RGS1: variants seen among roughly 807,000 people sequenced by gnomAD.
RGS1 encodes B-cell activation protein BL34.
In RGS1, 11 loss-of-function variants were observed where a neutral mutation model predicts 22.2. The ratio of observed to expected loss-of-function variants is 0.50; its 90% CI spans 0.31 to 0.82. The LOEUF (loss-of-function observed/expected upper bound fraction) is 0.82, where lower values mean the gene tolerates loss of function less well. Ranked by LOEUF, RGS1 falls within the 40% of genes least tolerant of loss-of-function variation. The probability of loss-of-function intolerance (pLI) is 0.04; values close to 1 mark genes in which losing one functional copy is unlikely to be tolerated. For synonymous variants in RGS1, 81 were observed against 79.9 expected (o/e 1.01, Z -0.07); for missense variants, 255 against 245.8 (o/e 1.04, Z -0.25).
chr1:192,578,689 G>C, intron 4 of RGS1: 1 of 462,152 alleles, frequency 2.2e-6, no homozygotes, highest in East Asian at 3.3e-5. Flanking sequence ...GAGTGCTCTT[G>C]TTTTGGATAA....
intron 4 of RGS1, chr1:192,578,928 A>G (rs1028095239): frequency 3.7e-6 from 2 of 535,528 alleles, no homozygotes; most frequent in African/African-American, 3.9e-5. Flanking sequence ...CTATACTATG[A>G]GGAAATTTGG....
At position 192,576,271 on chromosome 1, in the gene RGS1, T is replaced by A. The variant is rs775591372; in HGVS notation, c.138-14T>A. The A allele has an allele frequency of 6.4e-6, 10 of 1,557,478 alleles. No individual in the cohort carries two copies. The Admixed American group carries it at 1.7e-4, about 27-fold the overall frequency. ...CTGAAGAAATATGAATATTCACTTT[T>A]ATGTCTTTTGTAGTGGAATGGATAT... On this transcript the variant is annotated splice_polypyrimidine_tract_variant and intron_variant, in intron 1 of 4. Transcript: ENST00000367459.
intron 4 of RGS1, chr1:192,578,837 C>T (rs1662110593): frequency 2.7e-6 from 1 of 373,888 alleles, no homozygotes; most frequent in East Asian, 4.5e-5. Context: ...ATCTTAAATG[C>T]CTACATCACT....
At position 192,579,126 on chromosome 1, in the gene RGS1, T is replaced by A. The variant is rs746297297; in HGVS notation, c.445-11T>A. 2 of 1,599,848 alleles carry A rather than the reference T, an allele frequency of 1.3e-6. No individual in the cohort carries two copies. The highest frequency in any genetic ancestry group is 3.6e-5 in the Admixed American group (2 of 56,116). ...AAAGTATATATTAGCTAACAAGGTT[T>A]TCTTTTTTAGATCAATATTGACTTC... On this transcript the variant is annotated splice_polypyrimidine_tract_variant and intron_variant, in intron 4 of 4. Coordinates refer to ENST00000367459, the MANE Select transcript of RGS1 (RefSeq NM_002922.4).
At chr1:192,576,559 T>C (rs1662064191) in intron 2 of RGS1, 194 bp downstream of exon 2, 2 of 635,730 alleles carry the variant, frequency 3.1e-6, no homozygotes, top group East Asian at 5.6e-5. Context: ...TTGGACTTTA[T>C]CTATTTGGAT....
intron 3 of RGS1, 58 bp from the exon 4 acceptor site, chr1:192,578,164 T>G: frequency 2.6e-6 from 4 of 1,543,678 alleles, no homozygotes; most frequent in Non-Finnish European, 3.5e-6. Context: ...TTCAAATTAT[T>G]CATTTGTTGG....
At chr1:192,578,523 T>C (rs780285343) in intron 4 of RGS1, 138 bp downstream of exon 4, 34 of 898,094 alleles carry the variant, frequency 3.8e-5, no homozygotes, top group Non-Finnish European at 5.7e-5. Flanking sequence ...ATAAATATAG[T>C]TCAGTGCAAT....
chr1:192,578,760 T>C, intron 4 of RGS1: 1 of 384,362 alleles, frequency 2.6e-6, no homozygotes, highest in Non-Finnish European at 4.6e-6. Context: ...CAATTAACAG[T>C]ATTACCAGAT....
In RGS1 at chr1:192,579,207, A is replaced by C; in HGVS notation, c.515A>C (p.Asp172Ala). The C allele has an allele frequency of 6.2e-7, 1 of 1,613,316 alleles. No individual in the cohort carries two copies. Among genetic ancestry groups the C allele is most frequent in the Non-Finnish European group, 8.5e-7 (1 of 1,179,500 alleles). ...KIKAPTPTCF[D>A]EAQKVIYTLM... The stretch of plus-strand genomic sequence containing the variant: ...AAAGCACCAACCCCCACGTGTTTTG[A>C]TGAAGCACAAAAAGTCATATATACT... The change falls in exon 5 of 5, where the codon GAT becomes GCT. Residue 172 changes from aspartate (D) to alanine (A), a missense_variant. Transcript: ENST00000367459.
rs756404578 is a variant in RGS1, at chr1:192,578,209, C to T, written c.281-13C>T. ...TTTAATTATCTCCCCACCCACCCCT[C>T]GTTTCTTTTTAGCTGGTCAAAATGT... On this transcript the variant is annotated splice_polypyrimidine_tract_variant and intron_variant, in intron 3 of 4. Coordinates refer to ENST00000367459, the MANE Select transcript of RGS1 (RefSeq NM_002922.4). The T allele has an allele frequency of 1.3e-5, 21 of 1,597,810 alleles. No individual in the cohort carries two copies. The highest frequency in any genetic ancestry group is 1.7e-4 in the Middle Eastern group (1 of 6,000).
chr1:192,579,489 A>G lies in RGS1; in HGVS notation c.*167A>G. The G allele has an allele frequency of 1.7e-6, 1 of 603,098 alleles. No individual in the cohort carries two copies. Among genetic ancestry groups the G allele is most frequent in the Non-Finnish European group, 2.8e-6 (1 of 352,242 alleles). The allele number at this position is 603,098 out of a possible 1,614,324, so 37.4% of individuals were successfully genotyped here. On this transcript the variant is annotated 3_prime_UTR_variant, in exon 5 of 5. Coordinates refer to ENST00000367459, the MANE Select transcript of RGS1 (RefSeq NM_002922.4). ...TGAAAGTTATCCAGGCGCAGAGTTG[A>G]AGAAGCATAAGCAAGACAAAAACAG...
chr1:192,576,420 A>G lies in RGS1; in HGVS notation c.218+55A>G, dbSNP rs1416289883. 16 of 1,261,824 alleles carry G rather than the reference A, an allele frequency of 1.3e-5. No homozygotes were observed. The East Asian group carries it at 3.3e-4, about 26-fold the overall frequency. The allele number at this position is 1,261,824 out of a possible 1,614,324, so 78.2% of individuals were successfully genotyped here. On this transcript the variant is annotated intron_variant, in intron 2 of 4. Coordinates refer to ENST00000367459, the MANE Select transcript of RGS1 (RefSeq NM_002922.4). Reference sequence around the variant, plus strand: ...TATCATTTACAAGAGAAGCCTATGCATTATCTCTATATCCCAGCAAGGGAT... The same window carrying G: ...TATCATTTACAAGAGAAGCCTATGCGTTATCTCTATATCCCAGCAAGGGAT...
In RGS1 at chr1:192,575,889, C is replaced by G. The variant is rs200680781; in HGVS notation, c.97C>G (p.Leu33Val). 6.1e-5 allele frequency: 99 copies of G among 1,613,294 alleles called. 1 individual carries two copies. The African/African-American group carries it at 8.1e-4, about 13-fold the overall frequency. The change falls in exon 1 of 5, where the codon CTT becomes GTT. Residue 33 changes from leucine to valine, a missense_variant. Leu to Val is a conservative substitution (Grantham distance 32, BLOSUM62 1). Coordinates refer to ENST00000367459, the MANE Select transcript of RGS1 (RefSeq NM_002922.4). ...GGAATTGAAAGGAACCACTCATTCA[C>G]TTCTAGACGACAAAATGCAAAAAAG... ...PKELKGTTHS[L>V]LDDKMQKRRP... is the part of the protein sequence containing the mutation.
chr1:192,576,703 C>T, intron 2 of RGS1, 71 bp from the exon 3 acceptor site: 1 of 1,281,152 alleles, frequency 7.8e-7, no homozygotes. Flanking sequence ...CAAAGTGTAA[C>T]AGCCATTCTT....
intron 3 of RGS1, chr1:192,577,559 T>G (rs1368288923): frequency 6.6e-6 from 1 of 152,306 alleles, no homozygotes; most frequent in East Asian, 1.9e-4. Context: ...GGTCTCTATC[T>G]CTAAAGAGTG....
chr1:192,576,624 G>A (rs1662065454), intron 2 of RGS1, 150 bp from the exon 3 acceptor site: 5 of 742,944 alleles, frequency 6.7e-6, no homozygotes, highest in Non-Finnish European at 8.3e-6. Context: ...AACTCTAAGG[G>A]AAGTTTTGCA....
chr1:192,579,263 C>T lies in RGS1; in HGVS notation c.571C>T (p.Leu191Phe), dbSNP rs1385994764. The T allele has an allele frequency of 6.2e-7, 1 of 1,613,098 alleles. No homozygotes were observed. Among genetic ancestry groups the T allele is most frequent in the South Asian group, 1.1e-5 (1 of 91,062 alleles). ...LMEKDSYPRF[L>F]KSDIYLNLLN... ...GGAAAAGGACTCTTATCCCAGGTTCCTCAAATCAGATATTTACTTAAATCT... is the reference window on the plus strand; with the variant it reads ...GGAAAAGGACTCTTATCCCAGGTTCTTCAAATCAGATATTTACTTAAATCT... Residue 191 changes from leucine to phenylalanine, a missense_variant, in exon 5 of 5, where the codon CTC becomes TTC. Leu to Phe is a conservative substitution (Grantham distance 22). Coordinates refer to ENST00000367459, the MANE Select transcript of RGS1 (RefSeq NM_002922.4).
intron 4 of RGS1, 37 bp from the exon 5 acceptor site, chr1:192,579,099 GA>G (rs753309416): frequency 1.3e-6 from 2 of 1,570,320 alleles, no homozygotes; most frequent in Non-Finnish European, 1.7e-6. Flanking sequence ...TTGCAGTAAA[GA>G]AAAGTATATA....
chr1:192,579,227 T>C lies in RGS1; in HGVS notation c.535T>C (p.Tyr179His), dbSNP rs773426255. The C allele has an allele frequency of 1.2e-6, 2 of 1,613,330 alleles. No homozygotes were observed. The highest frequency in any genetic ancestry group is 1.7e-5 in the Admixed American group (1 of 59,876). The change falls in exon 5 of 5, where the codon TAT (tyrosine) becomes CAT (histidine). Residue 179 changes from tyrosine to histidine, a missense_variant. Transcript: ENST00000367459. The stretch of plus-strand genomic sequence containing the variant: ...TTTTGATGAAGCACAAAAAGTCATA[T>C]ATACTCTTATGGAAAAGGACTCTTA... ...TCFDEAQKVI[Y>H]TLMEKDSYPR...
Sources: allele counts gnomAD v4.1 joint callset, GRCh38; gene constraint gnomAD v4.1.1; transcripts MANE v1.5; gene names NCBI Gene and HGNC (gene_info 2026-07-23, HGNC 2026-07-21).